The following KCNQ2 variants were observed in gnomAD, a reference collection of about 807,000 sequenced individuals.
The protein encoded by KCNQ2 is potassium voltage-gated channel subfamily Q member 2.
In KCNQ2, 14 loss-of-function variants were observed where a neutral mutation model predicts 84.8. That is an observed-to-expected ratio of 0.17 (90% confidence interval 0.11 to 0.26). The LOEUF is 0.26. Among genes scored for constraint, KCNQ2 ranks in the 10% least tolerant of loss-of-function variants. KCNQ2 has a pLI of 1.00. For synonymous variants in KCNQ2, 599 were observed against 554.1 expected (o/e 1.08, Z -1.14); for missense variants, 788 against 1,254.0 (o/e 0.63, Z 5.61).
chr20:63,440,247 T>C (rs1221561633), intron 5 of KCNQ2, among the ~76,000 whole-genome samples: 1 of 151,890 alleles, frequency 6.6e-6, no homozygotes, highest in African/African-American at 2.4e-5. Flanking sequence ...TTAGTTTCTC[T>C]AGGGGTGGTG....
chr20:63,400,244 G>A lies in KCNQ2; in HGVS notation c.*6400C>T. 5.4e-6 allele frequency: 1 copy of A among 183,724 alleles called. No individual in the cohort carries two copies. The highest frequency in any genetic ancestry group is 1.1e-5 in the Non-Finnish European group (1 of 89,680). The allele number at this position is 183,724 out of a possible 1,614,324, so 11.4% of individuals were successfully genotyped here. On this transcript the variant is annotated 3_prime_UTR_variant, in exon 17 of 17. Coordinates refer to ENST00000359125, the MANE Select transcript of KCNQ2 (RefSeq NM_172107.4). This position sits in a 1 kb window ranked among gnomAD's most constrained non-coding sequence, Gnocchi z 8.7. ...TCACTGCGTTTTACTGAGTGCACAG[G>A]TCCACCTGGCGTCCGAACTCGTCCC...
At position 63,408,216 on chromosome 20, in the gene KCNQ2, C is replaced by T; in HGVS notation, c.1887+197G>A. The T allele has an allele frequency of 1.5e-6, 1 of 683,522 alleles. No homozygotes were observed. Among genetic ancestry groups the T allele is most frequent in the Admixed American group, 2.7e-5 (1 of 37,402 alleles). The allele number at this position is 683,522 out of a possible 1,614,324, so 42.3% of individuals were successfully genotyped here. On this transcript the variant is annotated intron_variant, in intron 16 of 16. Transcript: ENST00000359125. This position sits in a 1 kb window ranked among gnomAD's most constrained non-coding sequence, Gnocchi z 5.0. ...TGGGTACTGTCAGGAGGGAAGGCAC[C>T]CAGGCCGGGGGTGGGAGGCTCACGG...
rs540564370 is a variant in KCNQ2, at chr20:63,460,817, T to C, written c.296+11351A>G. On this transcript the variant is annotated intron_variant, in intron 1 of 16. Coordinates refer to ENST00000359125, the MANE Select transcript of KCNQ2 (RefSeq NM_172107.4). This position sits in a 1 kb window ranked among gnomAD's most constrained non-coding sequence, Gnocchi z 5.4. The stretch of plus-strand genomic sequence containing the variant: ...ACACGTCCCCAGGACAGCTGTGGTG[T>C]CGACATCCACGCAGGGACACCACAC... The C allele has an allele frequency of 3.3e-5, 5 of 152,264 alleles. No homozygotes were observed. In the East Asian group the frequency reaches 9.7e-4, roughly 29 times the overall value. 9.4% of individuals were successfully genotyped at this position (152,264 alleles called of 1,614,324 possible). A position where few individuals can be genotyped will look rare whatever the true frequency, so the allele number is the denominator to read the frequency against.
At chr20:63,420,075 T>G (rs1034167424) in intron 11 of KCNQ2, among the ~76,000 whole-genome samples, 23 of 152,160 alleles carry the variant, frequency 1.5e-4, no homozygotes, top group African/African-American at 5.1e-4. Context: ...GCACACACAT[T>G]TGAGAGAGGA....
intron 7 of KCNQ2, among the ~76,000 whole-genome samples, chr20:63,436,301 G>A (rs1426367473): frequency 6.6e-6 from 1 of 152,220 alleles, no homozygotes; most frequent in Non-Finnish European, 1.5e-5. Context: ...GGAGGCCAAG[G>A]CGGGAGGATC....
Position 63,402,301 on chromosome 20 carries a change from G to A in KCNQ2, c.*4343C>T, listed in dbSNP as rs1004090894. 4.7e-5 allele frequency: 8 copies of A among 171,932 alleles called. No individual in the cohort carries two copies. Among genetic ancestry groups the A allele is most frequent in the African/African-American group, 1.9e-4 (8 of 41,698 alleles). The allele number at this position is 171,932 out of a possible 1,614,324, so 10.7% of individuals were successfully genotyped here. On this transcript the variant is annotated 3_prime_UTR_variant, in exon 17 of 17. Coordinates refer to ENST00000359125, the MANE Select transcript of KCNQ2 (RefSeq NM_172107.4). ...CGTCCCTCTCACGTCTGCTTTGAGGGTTTGTGTCAATGGGGCTGTGCAGCA... is the reference window on the plus strand; with the variant it reads ...CGTCCCTCTCACGTCTGCTTTGAGGATTTGTGTCAATGGGGCTGTGCAGCA...
At chr20:63,436,374 AC>A (rs1428390864) in intron 7 of KCNQ2, among the ~76,000 whole-genome samples, 1 of 152,174 alleles carries the variant, frequency 6.6e-6, no homozygotes, top group Non-Finnish European at 1.5e-5. Flanking sequence ...TACTAAAAAT[AC>A]AAAAAATTAG....
In KCNQ2 at chr20:63,406,394, T is replaced by C. The variant is rs1048940796; in HGVS notation, c.*250A>G. The C allele has an allele frequency of 1.8e-6, 1 of 545,790 alleles. No homozygotes were observed. Among genetic ancestry groups the C allele is most frequent in the African/African-American group, 1.9e-5 (1 of 52,678 alleles). The allele number at this position is 545,790 out of a possible 1,614,324, so 33.8% of individuals were successfully genotyped here. ...CCTGAGCAGAGTGGACAGGGCAGCC[T>C]TGCTCCTGCACGCTGCTCCTGGAGC... On this transcript the variant is annotated 3_prime_UTR_variant, in exon 17 of 17. Coordinates refer to ENST00000359125, the MANE Select transcript of KCNQ2 (RefSeq NM_172107.4).
intron 6 of KCNQ2, 102 bp downstream of exon 6, chr20:63,439,496 C>G (rs1486035174): frequency 2.3e-6 from 2 of 879,046 alleles, no homozygotes; most frequent in Non-Finnish European, 3.8e-6. Context: ...CTGCTCCTGC[C>G]CCAGGTCCCA....
Position 63,446,671 on chromosome 20 carries a change from G to GCCCTGTAGT in KCNQ2, c.387+75_387+76insACTACAGGG. 1 of 1,256,532 alleles carries GCCCTGTAGT rather than the reference G, an allele frequency of 8.0e-7. No individual in the cohort carries two copies. Among genetic ancestry groups the GCCCTGTAGT allele is most frequent in the Non-Finnish European group, 1.2e-6 (1 of 856,968 alleles). 77.8% of individuals were successfully genotyped at this position (1,256,532 alleles called of 1,614,324 possible). Reference sequence around the variant, plus strand: ...GGCGTCAGAGGCCCTGTAGTAACAGGAACGGAAGACAGACGCCCAGGCAGC... The same window carrying GCCCTGTAGT: ...GGCGTCAGAGGCCCTGTAGTAACAGGCCCTGTAGTAACGGAAGACAGACGCCCAGGCAGC... On this transcript the variant is annotated intron_variant, in intron 2 of 16. Coordinates refer to ENST00000359125, the MANE Select transcript of KCNQ2 (RefSeq NM_172107.4). This position sits in a 1 kb window ranked among gnomAD's most constrained non-coding sequence, Gnocchi z 5.5.
At chr20:63,428,069 G>T in intron 10 of KCNQ2, among the ~76,000 whole-genome samples, 1 of 152,086 alleles carries the variant, frequency 6.6e-6, no homozygotes. Context: ...ACACTTTGTC[G>T]TACGACCCAC....
intron 8 of KCNQ2, among the ~76,000 whole-genome samples, chr20:63,433,236 G>A (rs895572249): frequency 1.3e-5 from 2 of 152,224 alleles, no homozygotes; most frequent in African/African-American, 4.8e-5. Flanking sequence ...CACTTTCTAG[G>A]CCCCCTTCTC....
intron 10 of KCNQ2, among the ~76,000 whole-genome samples, chr20:63,426,958 C>T (rs2080651636): frequency 6.6e-6 from 1 of 152,222 alleles, no homozygotes; most frequent in Admixed American, 6.5e-5. Context: ...CAGTGGCTCA[C>T]GCCTGTAATC....
intron 1 of KCNQ2, among the ~76,000 whole-genome samples, chr20:63,453,388 C>T (rs901383794): frequency 2.6e-5 from 4 of 152,220 alleles, no homozygotes; most frequent in Non-Finnish European, 5.9e-5. Flanking sequence ...CGTCCCATTT[C>T]CAAGCCGCGA....
intron 15 of KCNQ2, chr20:63,412,093 CG>C (rs1264866885): frequency 2.5e-5 from 13 of 523,668 alleles, no homozygotes; most frequent in East Asian, 2.2e-4. Context: ...GACTCGGGAG[CG>C]GGTGGCGGGC....
At chr20:63,431,220 A>C in intron 9 of KCNQ2, 120 bp downstream of exon 9, 1 of 1,131,696 alleles carries the variant, frequency 8.8e-7, no homozygotes, top group Non-Finnish European at 1.3e-6. Context: ...GTGGGCAGGG[A>C]CAGTGGTCAC....
rs2145483178 is a variant in KCNQ2, at chr20:63,406,824, G to A, written c.2439C>T (p.Asn813=). ...SGFSISQSKE[N]LDALNSCYAA... is the part of the protein sequence containing the mutation. Reference sequence around the variant, plus strand: ...CGTAGCAGCTGTTGAGAGCATCCAGGTTCTCCTTGGACTGGGAGATGCTGA... The same window carrying A: ...CGTAGCAGCTGTTGAGAGCATCCAGATTCTCCTTGGACTGGGAGATGCTGA... The change falls in exon 17 of 17, where the codon AAC becomes AAT. Residue 813 remains asparagine, a synonymous_variant. Transcript: ENST00000359125. 6.2e-7 allele frequency: 1 copy of A among 1,612,610 alleles called. No individual in the cohort carries two copies. The highest frequency in any genetic ancestry group is 8.5e-7 in the Non-Finnish European group (1 of 1,179,856).
At chr20:63,429,100 G>A (rs1269769774) in intron 9 of KCNQ2, among the ~76,000 whole-genome samples, 12 of 151,400 alleles carry the variant, frequency 7.9e-5, no homozygotes, top group South Asian at 2.1e-4. Context: ...CGGGCCCGCC[G>A]AAGCCCCCCA....
intron 1 of KCNQ2, among the ~76,000 whole-genome samples, chr20:63,457,013 C>T (rs1289998400): frequency 1.3e-5 from 2 of 152,252 alleles, no homozygotes; most frequent in Non-Finnish European, 2.9e-5. Flanking sequence ...GCAGCCGCCA[C>T]GCTGCAACCT....
Sources: gnomAD v4.1 joint callset for allele counts (sites outside exome capture counted in the v4.1 genomes callset) on GRCh38, gnomAD v4.1.1 for gene constraint, Gnocchi (gnomAD v3.1) non-coding constraint, MANE v1.5 for transcripts, NCBI Gene and HGNC (gene_info 2026-07-23, HGNC 2026-07-21) for gene names.